Variants in SOX5 observed in about 807,000 individuals in gnomAD.
SOX5 encodes the protein SRY-box transcription factor 5, also known as transcription factor SOX-5.
A neutral mutation model predicts 92.0 loss-of-function variants in SOX5; 9 were observed. The ratio of observed to expected loss-of-function variants is 0.10; its 90% confidence interval spans 0.06 to 0.17. SOX5 has a LOEUF of 0.17. Ranked by LOEUF, SOX5 falls within the 10% of genes least tolerant of loss-of-function variation. The pLI is 1.00. For missense variants in SOX5, 642 were observed against 944.5 expected, an observed-to-expected ratio of 0.68 and a Z score of 4.20; for synonymous variants, 344 against 336.3, an observed-to-expected ratio of 1.02 and a Z score of -0.25.
chr12:23,984,451 T>C (rs780247736), intron 4 of SOX5, among the ~76,000 whole-genome samples: 16 of 152,110 alleles, frequency 1.1e-4, no homozygotes, highest in Non-Finnish European at 1.5e-4. Context: ...GGTAGAAGCA[T>C]TGGTTGGTTG....
chr12:23,968,585 A>T (rs1166372398), intron 4 of SOX5, among the ~76,000 whole-genome samples: 1 of 152,222 alleles, frequency 6.6e-6, no homozygotes, highest in Non-Finnish European at 1.5e-5. Flanking sequence ...ACACAGGAAG[A>T]AGGCCCTCGC....
At chr12:23,790,298 A>C (rs1263102265) in intron 3 of SOX5, among the ~76,000 whole-genome samples, 2 of 152,116 alleles carry the variant, frequency 1.3e-5, no homozygotes, top group African/African-American at 4.8e-5. Context: ...ATCATATCTT[A>C]AGTGTCATGA....
intron 1 of SOX5, among the ~76,000 whole-genome samples, chr12:23,945,334 CATAAG>C (rs564124665): frequency 1.5e-3 from 223 of 152,198 alleles, no homozygotes; most frequent in African/African-American, 5.1e-3. Flanking sequence ...ATTTGAGAAA[CATAAG>C]ATAAGGACAC....
chr12:23,569,681 A>C (rs1057180470), intron 10 of SOX5, among the ~76,000 whole-genome samples: 2 of 151,262 alleles, frequency 1.3e-5, no homozygotes, highest in African/African-American at 2.4e-5. Flanking sequence ...TTCACTCCAC[A>C]CTCCTGTATC....
chr12:24,379,330 C>A (rs145204404), intron 1 of SOX5, among the ~76,000 whole-genome samples: 1 of 152,178 alleles, frequency 6.6e-6, no homozygotes, highest in African/African-American at 2.4e-5. Flanking sequence ...AATAATTCTA[C>A]GTGCTAATGC....
At chr12:24,423,688 A>C (rs1414980725) in intron 1 of SOX5, among the ~76,000 whole-genome samples, 1 of 152,250 alleles carries the variant, frequency 6.6e-6, no homozygotes, top group African/African-American at 2.4e-5. Flanking sequence ...CATGAACTAA[A>C]ATGGCAATTG....
chr12:23,941,638 A>T lies in SOX5; in HGVS notation c.38+7926T>A, dbSNP rs201952948. 5.3e-5 allele frequency among the ~76,000 whole-genome samples: 8 copies of T among 151,620 alleles called. No individual in the cohort carries two copies. In the East Asian group the frequency reaches 1.6e-3, roughly 29 times the overall value. ...TATTGGTACTTTGTATATTACATAA[A>T]ATATAATAATAGATAATGCTGTATC... is the stretch of plus-strand genomic sequence containing the variant. On this transcript the variant is annotated intron_variant, in intron 1 of 14. Coordinates refer to ENST00000451604, the MANE Select transcript of SOX5 (RefSeq NM_006940.6).
intron 3 of SOX5, among the ~76,000 whole-genome samples, chr12:23,813,935 C>T (rs1020454099): frequency 2.6e-5 from 4 of 151,642 alleles, no homozygotes; most frequent in Admixed American, 6.6e-5. Flanking sequence ...AAAATAAGGG[C>T]GATATTTTTT....
chr12:24,074,553 A>C (rs991755214), intron 4 of SOX5, among the ~76,000 whole-genome samples: 1 of 146,964 alleles, frequency 6.8e-6, no homozygotes, highest in African/African-American at 2.5e-5. Flanking sequence ...CAAACAGTAC[A>C]TCAGTCATTT....
intron 4 of SOX5, among the ~76,000 whole-genome samples, chr12:24,177,911 G>T (rs1439181891): frequency 1.3e-5 from 2 of 152,140 alleles, no homozygotes; most frequent in African/African-American, 4.8e-5. Context: ...GTTTCAATAG[G>T]ATCCTTACCA....
chr12:23,916,606 A>G lies in SOX5; in HGVS notation c.39-20582T>C, dbSNP rs112766410. On this transcript the variant is annotated intron_variant, in intron 1 of 14. Transcript: ENST00000451604. ...GAGATAATGTGGATAAATATAAGAAACAATAAAGAACTATAATCTAAGGGA... is the reference window on the plus strand; with the variant it reads ...GAGATAATGTGGATAAATATAAGAAGCAATAAAGAACTATAATCTAAGGGA... Among the ~76,000 whole-genome samples, 702 of 152,320 alleles carry G rather than the reference A, an allele frequency of 4.6e-3. 6 individuals carry two copies. Among genetic ancestry groups the G allele is most frequent in the South Asian group, 0.026 (128 of 4,832 alleles).
chr12:24,176,530 G>A (rs1954829111), intron 4 of SOX5, among the ~76,000 whole-genome samples: 1 of 152,164 alleles, frequency 6.6e-6, no homozygotes, highest in Non-Finnish European at 1.5e-5. Flanking sequence ...ATTACAGCCT[G>A]CTGTGGTTTA....
At chr12:24,231,708 G>GGCAT (rs1732547734) in intron 3 of SOX5, among the ~76,000 whole-genome samples, 1 of 152,132 alleles carries the variant, frequency 6.6e-6, no homozygotes, top group Non-Finnish European at 1.5e-5. Context: ...TAAAAGAGTA[G>GGCAT]GCATGAAAGG....
At position 23,680,758 on chromosome 12, in the gene SOX5, G is replaced by GCTA. The variant is rs2086492836; in HGVS notation, c.811-15197_811-15195dup. ...CAAAGATAAACCTTAAAAGCAGTCA[G>GCTA]CTAGAAGTCATCAACCTAGGTGTGA... On this transcript the variant is annotated intron_variant, in intron 6 of 14. Transcript: ENST00000451604. 2.0e-5 allele frequency among the ~76,000 whole-genome samples: 3 copies of GCTA among 152,196 alleles called. No homozygotes were observed. The South Asian group carries it at 6.2e-4, about 32-fold the overall frequency.
intron 4 of SOX5, among the ~76,000 whole-genome samples, chr12:24,187,584 G>A (rs996064792): frequency 1.3e-5 from 2 of 151,902 alleles, no homozygotes; most frequent in Non-Finnish European, 2.9e-5. Flanking sequence ...TCTCTATCCC[G>A]GACCTCTCAC....
intron 3 of SOX5, among the ~76,000 whole-genome samples, chr12:24,234,041 C>T (rs996988563): frequency 7.2e-5 from 11 of 152,306 alleles, no homozygotes; most frequent in Middle Eastern, 3.4e-3. Flanking sequence ...AATCTACACA[C>T]GGAATCCGAG....
intron 4 of SOX5, among the ~76,000 whole-genome samples, chr12:23,981,441 T>A (rs1039873367): frequency 1.3e-5 from 2 of 152,226 alleles, no homozygotes; most frequent in Admixed American, 6.5e-5. Flanking sequence ...TTGAAACCAA[T>A]GTTGACATTT....
intron 4 of SOX5, among the ~76,000 whole-genome samples, chr12:24,017,498 G>T (rs368083921): frequency 4.6e-5 from 7 of 152,268 alleles, no homozygotes; most frequent in Admixed American, 1.3e-4. Context: ...TACTTGGGAG[G>T]CTGAGGCAGG....
chr12:24,230,243 C>A (rs923080296), intron 3 of SOX5, among the ~76,000 whole-genome samples: 3 of 152,076 alleles, frequency 2.0e-5, no homozygotes, highest in African/African-American at 7.2e-5. Flanking sequence ...TGAAATGCAG[C>A]GCAAACTTTA....
Sources: gnomAD v4.1 joint callset for allele counts (sites outside exome capture counted in the v4.1 genomes callset) on GRCh38, gnomAD v4.1.1 for gene constraint, MANE v1.5 for transcripts, NCBI Gene and HGNC (gene_info 2026-07-23, HGNC 2026-07-21) for gene names.